The following ASPH variants were observed in gnomAD, a reference collection of about 807,000 sequenced individuals.
ASPH encodes aspartate beta-hydroxylase, also known as aspartyl/asparaginyl beta-hydroxylase.
ASPH carries 100 observed loss-of-function variants against 118.4 expected under a neutral mutation model. That is an observed-to-expected ratio of 0.84 (90% CI 0.72 to 1.00). The LOEUF is 1.00. ASPH is among the 50% of genes least tolerant of loss of function. The probability of loss-of-function intolerance (pLI) is 0.00; values close to 1 mark genes in which losing one functional copy is unlikely to be tolerated. For missense variants in ASPH, 920 were observed against 919.5 expected (o/e 1.00, Z -0.01); for synonymous variants, 315 against 325.6 (o/e 0.97, Z 0.35).
intron 24 of ASPH, among the ~76,000 whole-genome samples, chr8:61,512,277 C>T (rs1161481133): frequency 6.6e-6 from 1 of 152,072 alleles, no homozygotes; most frequent in Admixed American, 6.6e-5. Flanking sequence ...AAGATCTTTG[C>T]AGATTGAATT....
At chr8:61,664,717 G>GCC in intron 3 of ASPH, 3 of 986,092 alleles carry the variant, frequency 3.0e-6, no homozygotes, top group Non-Finnish European at 3.6e-6. Flanking sequence ...CTGAGGAACG[G>GCC]CCCCCTGAAA....
rs117250251 is a variant in ASPH at position 61,520,127 on chromosome 8, G to A, written c.1901-2004C>T. ...AGAATAGGATTTAAATGAAGAAGGCGTCTTTGAGAGGGGACATATTCTATG... is the reference window on the plus strand; with the variant it reads ...AGAATAGGATTTAAATGAAGAAGGCATCTTTGAGAGGGGACATATTCTATG... On this transcript the variant is annotated intron_variant, in intron 22 of 24. Coordinates refer to ENST00000379454, the MANE Select transcript of ASPH (RefSeq NM_004318.4). 2.0e-3 allele frequency among the ~76,000 whole-genome samples: 305 copies of A among 152,218 alleles called. 1 individual carries two copies. Among genetic ancestry groups the A allele is most frequent in the Admixed American group, 5.4e-3 (83 of 15,294 alleles).
intron 5 of ASPH, among the ~76,000 whole-genome samples, chr8:61,649,263 G>A (rs1358953409): frequency 3.3e-5 from 5 of 152,110 alleles, no homozygotes; most frequent in African/African-American, 4.8e-5. Flanking sequence ...AAAAATCAAA[G>A]AAAACTCTCG....
chr8:61,628,284 T>G, intron 13 of ASPH: 1 of 321,598 alleles, frequency 3.1e-6, no homozygotes, highest in East Asian at 9.4e-5. Context: ...CTCAGCCTTC[T>G]GAGTAGCTAG....
At chr8:61,518,751 A>G (rs951321721) in intron 22 of ASPH, among the ~76,000 whole-genome samples, 2 of 152,228 alleles carry the variant, frequency 1.3e-5, no homozygotes, top group Non-Finnish European at 2.9e-5. Flanking sequence ...AACTACAGGT[A>G]CAGACCTTAA....
At chr8:61,594,672 T>A (rs1842055063) in intron 14 of ASPH, among the ~76,000 whole-genome samples, 1 of 152,264 alleles carries the variant, frequency 6.6e-6, no homozygotes, top group Non-Finnish European at 1.5e-5. Context: ...AGTATATTGT[T>A]ATAATGTTTC....
intron 21 of ASPH, among the ~76,000 whole-genome samples, chr8:61,530,378 A>G (rs371928922): frequency 1.3e-5 from 2 of 152,182 alleles, no homozygotes; most frequent in African/African-American, 4.8e-5. Context: ...CCATCTCAGC[A>G]TGTGCCTCAC....
chr8:61,514,537 G>A (rs1041063135), intron 24 of ASPH, among the ~76,000 whole-genome samples: 5 of 151,862 alleles, frequency 3.3e-5, no homozygotes, highest in African/African-American at 7.3e-5. Flanking sequence ...GTGAAACCCC[G>A]TCTCTACTAA....
chr8:61,578,300 T>C (rs1354988660), intron 15 of ASPH: 2 of 1,597,120 alleles, frequency 1.3e-6, no homozygotes, highest in Admixed American at 3.4e-5. Context: ...CCTACACGAG[T>C]GGGCCCGGTG....
At chr8:61,623,010 G>A (rs1007182223) in intron 13 of ASPH, among the ~76,000 whole-genome samples, 2 of 152,138 alleles carry the variant, frequency 1.3e-5, no homozygotes. Context: ...ATGAAGACTG[G>A]AAATGGAAAA....
At chr8:61,703,596 C>T (rs1336173219) in intron 1 of ASPH, among the ~76,000 whole-genome samples, 2 of 149,620 alleles carry the variant, frequency 1.3e-5, no homozygotes, top group Non-Finnish European at 3.0e-5. Flanking sequence ...GCAAAATCTA[C>T]AAAAAAAAAG....
chr8:61,705,723 T>C (rs1333963911), intron 1 of ASPH, among the ~76,000 whole-genome samples: 2 of 152,086 alleles, frequency 1.3e-5, no homozygotes, highest in Non-Finnish European at 1.5e-5. Flanking sequence ...TAAAAACTCC[T>C]CAGATCAGAC....
intron 3 of ASPH, among the ~76,000 whole-genome samples, chr8:61,670,444 A>G (rs1214847745): frequency 6.6e-6 from 1 of 152,012 alleles, no homozygotes. Flanking sequence ...GCAGTAGAGA[A>G]GGCAGTCATG....
intron 1 of ASPH, among the ~76,000 whole-genome samples, chr8:61,703,970 C>T (rs541678929): frequency 3.3e-5 from 5 of 151,728 alleles, no homozygotes; most frequent in African/African-American, 9.7e-5. Flanking sequence ...CCGAGGCGGG[C>T]GGATCACGAG....
In ASPH at chr8:61,714,473, G is replaced by A. The variant is rs1838905331; in HGVS notation, c.-102C>T. ...GCTGGCGGCGGCGGGCCGCTGGAGCGGGTTCGGGCCGCTGCTCCTGCAGCA... is the reference window on the plus strand; with the variant it reads ...GCTGGCGGCGGCGGGCCGCTGGAGCAGGTTCGGGCCGCTGCTCCTGCAGCA... On this transcript the variant is annotated 5_prime_UTR_variant, in exon 1 of 25. Coordinates refer to ENST00000379454, the MANE Select transcript of ASPH (RefSeq NM_004318.4). 2 of 1,353,124 alleles carry A rather than the reference G, an allele frequency of 1.5e-6. No homozygotes were observed. Among genetic ancestry groups the A allele is most frequent in the Non-Finnish European group, 1.9e-6 (2 of 1,052,378 alleles). 83.8% of individuals were successfully genotyped at this position (1,353,124 alleles called of 1,614,324 possible).
At chr8:61,657,264 A>C (rs1303880621) in intron 3 of ASPH, 4 of 152,158 alleles carry the variant, frequency 2.6e-5, no homozygotes, top group African/African-American at 4.8e-5. Flanking sequence ...GGGAACTGCA[A>C]GTTCAGTCAT....
Position 61,502,616 on chromosome 8 carries a change from T to G in ASPH, c.*743A>C, listed in dbSNP as rs1805132364. On this transcript the variant is annotated 3_prime_UTR_variant, in exon 25 of 25. Coordinates refer to ENST00000379454, the MANE Select transcript of ASPH (RefSeq NM_004318.4). Reference sequence around the variant, plus strand: ...ATAACAATATAAAATAATTCCATGCTCTTTTTTCGGTGTGAAAAGTTCCTC... The same window carrying G: ...ATAACAATATAAAATAATTCCATGCGCTTTTTTCGGTGTGAAAAGTTCCTC... 6.6e-6 allele frequency: 1 copy of G among 152,204 alleles called. No homozygotes were observed. The highest frequency in any genetic ancestry group is 1.5e-5 in the Non-Finnish European group (1 of 68,042). 9.4% of individuals were successfully genotyped at this position (152,204 alleles called of 1,614,324 possible). A position where few individuals can be genotyped will look rare whatever the true frequency, so the allele number is the denominator to read the frequency against.
chr8:61,646,915 A>G (rs760545391), intron 5 of ASPH, 37 bp from the exon 6 acceptor site: 13 of 1,612,088 alleles, frequency 8.1e-6, no homozygotes, highest in Non-Finnish European at 1.1e-5. Context: ...GCAACATACA[A>G]CTGAGACATG....
chr8:61,589,539 G>T (rs1457809956), intron 14 of ASPH, among the ~76,000 whole-genome samples: 2 of 152,148 alleles, frequency 1.3e-5, no homozygotes, highest in Non-Finnish European at 2.9e-5. Flanking sequence ...GAATATTTTT[G>T]TATTTAACAT....
Sources: allele counts gnomAD v4.1 joint callset (sites outside exome capture counted in the v4.1 genomes callset), GRCh38; gene constraint gnomAD v4.1.1; transcripts MANE v1.5; gene names NCBI Gene and HGNC (gene_info 2026-07-23, HGNC 2026-07-21).